The following PGD variants were observed in gnomAD, a reference collection of about 807,000 sequenced individuals.
PGD encodes the protein phosphogluconate dehydrogenase.
Under a neutral mutation model 60.4 loss-of-function variants are expected in PGD, and 21 were observed. That is an observed-to-expected ratio of 0.35 (90% CI 0.25 to 0.50). The LOEUF is 0.50. Among genes scored for constraint, PGD ranks in the 20% least tolerant of loss-of-function variants. PGD has a pLI of 0.98. For missense variants in PGD, 477 were observed against 613.1 expected (o/e 0.78, Z 2.34); for synonymous variants, 230 against 235.9 (o/e 0.97, Z 0.23).
chr1:10,403,590 GAAAAAAA>G (rs71583866), intron 4 of PGD, among the ~76,000 whole-genome samples: 3 of 67,146 alleles, frequency 4.5e-5, no homozygotes, highest in Admixed American at 2.0e-4. Context: ...AACTCCATCT[GAAAAAAA>G]AAAAAAAAAA....
chr1:10,399,385 C>T, intron 1 of PGD: 3 of 512,028 alleles, frequency 5.9e-6, no homozygotes, highest in Non-Finnish European at 1.0e-5. Flanking sequence ...GGCCAGGCCT[C>T]GCCGAGTCTG....
intron 3 of PGD, among the ~76,000 whole-genome samples, chr1:10,402,144 A>C (rs1639326613): frequency 1.3e-5 from 2 of 152,242 alleles, no homozygotes; most frequent in Non-Finnish European, 1.5e-5. Flanking sequence ...AACTGTTGTC[A>C]TAAAATCATT....
At chr1:10,412,995 G>A in intron 7 of PGD, 67 bp from the exon 8 acceptor site, 1 of 1,395,054 alleles carries the variant, frequency 7.2e-7, no homozygotes, top group Non-Finnish European at 1.0e-6. Flanking sequence ...CGTGGACATT[G>A]GACAAGGGGC....
At chr1:10,418,548 A>G (rs1639635316) in intron 10 of PGD, among the ~76,000 whole-genome samples, 1 of 152,082 alleles carries the variant, frequency 6.6e-6, no homozygotes, top group East Asian at 1.9e-4. Context: ...AGGCCGAGGC[A>G]GGCGGATCAC....
chr1:10,409,649 C>CTTTTTTTTTTTTTTTT lies in PGD; in HGVS notation c.519+1520_519+1535dup, dbSNP rs543426528. Among the ~76,000 whole-genome samples the CTTTTTTTTTTTTTTTT allele has an allele frequency of 4.0e-5, 3 of 75,416 alleles. 1 individual carries two copies. Among genetic ancestry groups the CTTTTTTTTTTTTTTTT allele is most frequent in the Admixed American group, 3.6e-4 (2 of 5,530 alleles). 49.5% of individuals were successfully genotyped at this position (75,416 alleles called of 152,430 possible). A position where few individuals can be genotyped will look rare whatever the true frequency, so the allele number is the denominator to read the frequency against. On this transcript the variant is annotated intron_variant, in intron 6 of 12. Coordinates refer to ENST00000270776, the MANE Select transcript of PGD (RefSeq NM_002631.4). ...CTGCAATAAAAGTGAGTGGTAGCAA[C>CTTTTTTTTTTTTTTTT]TTTTTTTTTTTTTTTTTTTTTTTTT...
In PGD at chr1:10,404,257, C is replaced by A. The variant is rs1359251853; in HGVS notation, c.427C>A (p.Pro143Thr). Residue 143 changes from proline (P) to threonine (T), a missense_variant, in exon 5 of 13, where the codon CCA becomes ACA. Around this residue, in one of 3 missense-constraint regions of PGD, gnomAD observed 431 missense variants for 556.6 expected, o/e 0.77. Coordinates refer to ENST00000270776, the MANE Select transcript of PGD (RefSeq NM_002631.4). ...GGCCCGGTATGGCCCATCGCTCATG[C>A]CAGGAGGGAACAAAGAAGCGTGGTG... ...EGARYGPSLM[P>T]GGNKEAWPHI... 6 of 1,610,312 alleles carry A rather than the reference C, an allele frequency of 3.7e-6. No individual in the cohort carries two copies. Among genetic ancestry groups the A allele is most frequent in the Non-Finnish European group, 5.1e-6 (6 of 1,177,590 alleles).
chr1:10,400,677 C>A, intron 3 of PGD, 105 bp downstream of exon 3: 2 of 808,400 alleles, frequency 2.5e-6, no homozygotes, highest in Non-Finnish European at 3.8e-6. Flanking sequence ...TTTTCAATTT[C>A]TGCTAAGCTC....
chr1:10,414,496 T>A (rs1023161634), intron 8 of PGD, among the ~76,000 whole-genome samples: 1 of 151,898 alleles, frequency 6.6e-6, no homozygotes, highest in African/African-American at 2.4e-5. Context: ...TGCCTCAGCC[T>A]CCCGAGTAGC....
At chr1:10,415,819 T>C (rs1035813006) in intron 8 of PGD, among the ~76,000 whole-genome samples, 1 of 152,236 alleles carries the variant, frequency 6.6e-6, no homozygotes, top group Non-Finnish European at 1.5e-5. Flanking sequence ...GCAAGTCTTT[T>C]ATAAGGAATA....
intron 2 of PGD, 109 bp downstream of exon 2, chr1:10,399,813 C>T: frequency 1.1e-6 from 1 of 932,486 alleles, no homozygotes. Context: ...TGCTAATGTG[C>T]TCTGTTGCTG....
At chr1:10,417,245 C>T in intron 9 of PGD, 128 bp downstream of exon 9, 1 of 1,438,450 alleles carries the variant, frequency 7.0e-7, no homozygotes, top group Non-Finnish European at 9.6e-7. Context: ...TGACTTGGAT[C>T]TTGACTTACA....
chr1:10,412,970 G>A lies in PGD; in HGVS notation c.655-92G>A, dbSNP rs560228600. ...ACGCGAGCAGAGCCTGCTGGCAACC[G>A]TGAGCATTGGTCAGCGTGGACATTG... On this transcript the variant is annotated intron_variant, in intron 7 of 12. Coordinates refer to ENST00000270776, the MANE Select transcript of PGD (RefSeq NM_002631.4). The A allele has an allele frequency of 1.4e-4, 150 of 1,090,570 alleles. 1 individual carries two copies. In the East Asian group the frequency reaches 3.2e-3, roughly 23 times the overall value. The allele number at this position is 1,090,570 out of a possible 1,614,324, so 67.6% of individuals were successfully genotyped here.
intron 7 of PGD, among the ~76,000 whole-genome samples, chr1:10,411,967 G>T (rs908615621): frequency 2.0e-5 from 3 of 152,156 alleles, no homozygotes; most frequent in Non-Finnish European, 4.4e-5. Context: ...ATTTTATTAT[G>T]ACAATATTCA....
intron 10 of PGD, among the ~76,000 whole-genome samples, chr1:10,418,254 T>C (rs1639629788): frequency 1.3e-5 from 2 of 152,364 alleles, no homozygotes; most frequent in South Asian, 2.1e-4. Flanking sequence ...TAGTTCTCTT[T>C]AGAAATAACG....
intron 5 of PGD, among the ~76,000 whole-genome samples, chr1:10,406,327 AC>A (rs1639403734): frequency 6.6e-6 from 1 of 151,932 alleles, no homozygotes; most frequent in East Asian, 1.9e-4. Context: ...AGGTGAGAGA[AC>A]TGCTTGAGCC....
At chr1:10,407,317 G>T (rs1036558627) in intron 5 of PGD, among the ~76,000 whole-genome samples, 8 of 152,040 alleles carry the variant, frequency 5.3e-5, no homozygotes, top group Non-Finnish European at 1.0e-4. Flanking sequence ...GGGTGTGATG[G>T]CACACACCTG....
intron 2 of PGD, chr1:10,399,983 C>G (rs80020751): frequency 1.3e-5 from 7 of 540,748 alleles, no homozygotes; most frequent in Middle Eastern, 9.9e-4. Context: ...GGAGGAGAAC[C>G]CTTGCTGGCT....
intron 5 of PGD, among the ~76,000 whole-genome samples, chr1:10,404,642 G>C (rs1443943808): frequency 6.6e-6 from 1 of 151,996 alleles, no homozygotes; most frequent in East Asian, 1.9e-4. Context: ...TGGGACTACA[G>C]GCACATGCCA....
At chr1:10,412,393 A>G (rs1278558686) in intron 7 of PGD, among the ~76,000 whole-genome samples, 6 of 152,084 alleles carry the variant, frequency 3.9e-5, no homozygotes, top group African/African-American at 9.7e-5. Flanking sequence ...AGCTTTCCAG[A>G]TTTTTTGTTG....
Sources: allele counts gnomAD v4.1 joint callset (sites outside exome capture counted in the v4.1 genomes callset), GRCh38; gene constraint gnomAD v4.1.1; regional missense constraint gnomAD v4.1.1; transcripts MANE v1.5; gene names NCBI Gene and HGNC (gene_info 2026-07-23, HGNC 2026-07-21).